AMZ1: variants seen among roughly 807,000 people sequenced by gnomAD.
AMZ1 encodes archaelysin family metallopeptidase 1, also known as archaemetzincin-1.
Under a neutral mutation model 29.9 loss-of-function variants are expected in AMZ1, and 39 were observed. The observed-to-expected ratio is 1.30, with a 90% CI of 1.01 to 1.70. AMZ1 has a LOEUF of 1.70. AMZ1 is among the 40% of genes most tolerant of loss of function. AMZ1 has a pLI of 0.00. For synonymous variants in AMZ1, 458 were observed against 304.0 expected (o/e 1.51, Z -5.27); for missense variants, 1,041 against 680.6 (o/e 1.53, Z -5.89).
intron 4 of AMZ1, among the ~76,000 whole-genome samples, chr7:2,756,034 G>T (rs778369590): frequency 6.6e-6 from 1 of 152,112 alleles, no homozygotes; most frequent in African/African-American, 2.4e-5. Context: ...GAAGAACAAC[G>T]TTTTCATAAT....
At chr7:2,750,121 C>T (rs1290749503) in intron 4 of AMZ1, among the ~76,000 whole-genome samples, 1 of 151,994 alleles carries the variant, frequency 6.6e-6, no homozygotes, top group African/African-American at 2.4e-5. Flanking sequence ...CTGAATAATC[C>T]ACAGGTCAAA....
chr7:2,685,488 G>A (rs1237497550), upstream of AMZ1, among the ~76,000 whole-genome samples: 1 of 151,298 alleles, frequency 6.6e-6, no homozygotes, highest in Non-Finnish European at 1.5e-5. Context: ...AACCCAGGAA[G>A]TGGAGTTTGC....
intron 4 of AMZ1, among the ~76,000 whole-genome samples, chr7:2,758,018 T>C (rs1791384959): frequency 6.6e-6 from 1 of 152,174 alleles, no homozygotes; most frequent in Non-Finnish European, 1.5e-5. Context: ...ACAGACCTAA[T>C]AAATGTCTGG....
chr7:2,690,422 AT>A (rs1368110271), intron 1 of AMZ1, among the ~76,000 whole-genome samples: 3 of 151,974 alleles, frequency 2.0e-5, no homozygotes, highest in African/African-American at 7.3e-5. Context: ...GTTTTGCCAT[AT>A]TTCCCCAGGC....
rs1401814312 is a variant in AMZ1 at position 2,700,682 on chromosome 7, C to G, written c.231C>G (p.Phe77Leu). The G allele has an allele frequency of 6.2e-7, 1 of 1,612,958 alleles. No homozygotes were observed. Among genetic ancestry groups the G allele is most frequent in the East Asian group, 2.2e-5 (1 of 44,888 alleles). Reference protein sequence around the residue: ...LLSRPEAPEDFQTFHASLQHR... With the variant: ...LLSRPEAPEDLQTFHASLQHR... ...GCCGACCCGAGGCTCCCGAGGACTT[C>G]CAGACCTTCCACGCCTCCCTGCAGC... Residue 77 changes from phenylalanine to leucine, a missense_variant, in exon 2 of 7, where the codon TTC (phenylalanine) becomes TTG (leucine). Phe to Leu is a conservative substitution (Grantham distance 22, BLOSUM62 0). Coordinates refer to ENST00000683327, the MANE Select transcript of AMZ1 (RefSeq NM_001384743.1).
intron 1 of AMZ1, 125 bp from the exon 2 acceptor site, chr7:2,700,109 C>T: frequency 3.2e-6 from 1 of 308,354 alleles, no homozygotes; most frequent in South Asian, 6.4e-5. Flanking sequence ...CCAGGGCTCC[C>T]TCTGACACCC....
chr7:2,685,447 A>G (rs926723801), upstream of AMZ1, among the ~76,000 whole-genome samples: 3 of 151,686 alleles, frequency 2.0e-5, no homozygotes, highest in Admixed American at 1.3e-4. Flanking sequence ...AATCGCAGCT[A>G]CTTGGGTGGC....
At chr7:2,695,245 C>G (rs1351274926) in intron 1 of AMZ1, among the ~76,000 whole-genome samples, 3 of 152,166 alleles carry the variant, frequency 2.0e-5, no homozygotes, top group Non-Finnish European at 4.4e-5. Flanking sequence ...GAATTCCACC[C>G]TGGTGTGAAC....
In AMZ1 at chr7:2,717,080, G is replaced by T. The variant is rs1172925448; in HGVS notation, c.*4202G>T. On this transcript the variant is annotated 3_prime_UTR_variant, in exon 7 of 7. Coordinates refer to ENST00000683327, the MANE Select transcript of AMZ1 (RefSeq NM_001384743.1). The stretch of plus-strand genomic sequence containing the variant: ...GCAGCCCCCACACACCGGCACCCAC[G>T]CCCCTCGGTTCTGATAACCAGGAGG... Among the ~76,000 whole-genome samples the T allele has an allele frequency of 1.3e-5, 2 of 152,146 alleles. No individual in the cohort carries two copies. Among genetic ancestry groups the T allele is most frequent in the African/African-American group, 4.8e-5 (2 of 41,426 alleles).
chr7:2,747,770 A>C (rs1436754001), intron 4 of AMZ1, among the ~76,000 whole-genome samples: 1 of 152,222 alleles, frequency 6.6e-6, no homozygotes, highest in Non-Finnish European at 1.5e-5. Flanking sequence ...ATTATCTAGA[A>C]AACCCCATCA....
At chr7:2,726,950 C>G (rs1344200512) in intron 4 of AMZ1, among the ~76,000 whole-genome samples, 1 of 152,210 alleles carries the variant, frequency 6.6e-6, no homozygotes, top group African/African-American at 2.4e-5. Context: ...CGTCAAGGTC[C>G]TTCCCCTCCC....
intron 4 of AMZ1, 76 bp from the exon 5 acceptor site, chr7:2,708,999 T>G (rs1788558554): frequency 6.8e-7 from 1 of 1,470,498 alleles, no homozygotes; most frequent in Non-Finnish European, 9.1e-7. Flanking sequence ...CATGAGAGCA[T>G]GAGGTGGGTT....
intron 1 of AMZ1, 113 bp from the exon 2 acceptor site, chr7:2,700,121 C>T (rs1787962725): frequency 1.4e-5 from 5 of 344,916 alleles, no homozygotes; most frequent in South Asian, 1.0e-4. Flanking sequence ...CTGACACCCT[C>T]GTCCTCTGCA....
At position 2,712,373 on chromosome 7, in the gene AMZ1, G is replaced by A. The variant is rs1788838426; in HGVS notation, c.992G>A (p.Ser331Asn). ...WTQAVVGTWPSQEAGEPSVWE... is the reference protein window; with the variant it reads ...WTQAVVGTWPNQEAGEPSVWE... ...CAGGCGGTGGTGGGGACGTGGCCCA[G>A]CCAGGAGGCGGGGGAGCCGTCAGTG... is the stretch of plus-strand genomic sequence containing the variant. Residue 331 changes from serine to asparagine, a missense_variant, in exon 7 of 7, where the codon AGC (serine) becomes AAC (asparagine). By Grantham distance (46) the Ser-to-Asn change is conservative. Transcript: ENST00000683327. The A allele has an allele frequency of 1.2e-6, 2 of 1,605,632 alleles. No homozygotes were observed.
chr7:2,720,047 G>C (rs955920794), downstream of AMZ1, among the ~76,000 whole-genome samples: 15 of 152,226 alleles, frequency 9.9e-5, no homozygotes, highest in African/African-American at 3.1e-4. Context: ...AATGAAAAGA[G>C]AATGTGTCTG....
downstream of AMZ1, among the ~76,000 whole-genome samples, chr7:2,724,401 A>G (rs916685480): frequency 1.3e-5 from 2 of 152,262 alleles, no homozygotes; most frequent in African/African-American, 2.4e-5. Flanking sequence ...TTAAAATCAC[A>G]GAATGAAGTG....
chr7:2,736,893 G>A (rs1161323033), intron 4 of AMZ1, among the ~76,000 whole-genome samples: 11 of 152,188 alleles, frequency 7.2e-5, no homozygotes, highest in Non-Finnish European at 1.2e-4. Flanking sequence ...TTAGGACCAC[G>A]AGAAAAGAGC....
chr7:2,710,893 C>G (rs184511854), intron 6 of AMZ1, among the ~76,000 whole-genome samples: 1 of 152,228 alleles, frequency 6.6e-6, no homozygotes, highest in South Asian at 2.1e-4. Context: ...TGTGCCCCGT[C>G]AAGGGGCAGC....
At chr7:2,753,630 C>T (rs1791143826) in intron 4 of AMZ1, among the ~76,000 whole-genome samples, 1 of 152,302 alleles carries the variant, frequency 6.6e-6, no homozygotes, top group Non-Finnish European at 1.5e-5. Flanking sequence ...AGCTATTACA[C>T]ATAAAACTCT....
Sources: allele counts gnomAD v4.1 joint callset (sites outside exome capture counted in the v4.1 genomes callset), GRCh38; gene constraint gnomAD v4.1.1; transcripts MANE v1.5; gene names NCBI Gene and HGNC (gene_info 2026-07-23, HGNC 2026-07-21).